Variants in TAF1 observed in about 807,000 individuals in gnomAD.
TAF1 encodes TATA-box binding protein associated factor 1.
In TAF1, 2 loss-of-function variants were observed where a neutral mutation model predicts 138.5. The ratio of observed to expected loss-of-function variants is 0.01; its 90% CI spans 0.01 to 0.05. The LOEUF (loss-of-function observed/expected upper bound fraction) is 0.05. Ranked by LOEUF, TAF1 falls within the 10% of genes least tolerant of loss-of-function variation. TAF1 has a pLI of 1.00. For missense variants in TAF1, 709 were observed against 1,478.0 expected (o/e 0.48, Z 8.53); for synonymous variants, 437 against 503.2 (o/e 0.87, Z 1.76).
At chrX:71,526,510 G>A (rs994050275) in intron 13 of TAF1, among the ~76,000 whole-genome samples, 1 of 111,648 alleles carries the variant, frequency 9.0e-6, no homozygotes, top group Non-Finnish European at 1.9e-5. Flanking sequence ...GAAAATGAAG[G>A]CAACAGAAAA....
At chrX:71,387,491 G>T in intron 15 of TAF1, 30 bp downstream of exon 15, 1 of 1,206,520 alleles carries the variant, frequency 8.3e-7, no homozygotes, top group Non-Finnish European at 1.1e-6. Flanking sequence ...GAGGGGATTG[G>T]GTTGTATACA....
At chrX:71,406,031 T>A (rs28382190) in intron 25 of TAF1, among the ~76,000 whole-genome samples, 2,843 of 110,297 alleles carry the variant, frequency 0.026, 198 homozygotes, top group Admixed American at 0.2. Context: ...TTTTAACATT[T>A]AAGATAGAAT....
intron 33 of TAF1, 70 bp downstream of exon 33, chrX:71,454,307 T>G: frequency 3.1e-6 from 3 of 965,116 alleles, no homozygotes; most frequent in Non-Finnish European, 4.4e-6. Context: ...AAAAAAGATT[T>G]AAAAATTAGT....
chrX:71,372,169 C>T (rs140467858), intron 3 of TAF1, among the ~76,000 whole-genome samples: 1,751 of 110,786 alleles, frequency 0.016, 30 homozygotes, highest in African/African-American at 0.056. Context: ...TGGTGGCTCA[C>T]GCCTGTAATC....
chrX:71,372,897 C>T (rs761657231), intron 3 of TAF1, among the ~76,000 whole-genome samples: 169 of 111,530 alleles, frequency 1.5e-3, no homozygotes, highest in African/African-American at 5.4e-3. Flanking sequence ...GACAGAGTCT[C>T]GCTCTGTCAC....
chrX:71,519,882 T>C (rs1569416610), intron 13 of TAF1, among the ~76,000 whole-genome samples: 1 of 109,901 alleles, frequency 9.1e-6, no homozygotes. Flanking sequence ...CTAGGCTCAC[T>C]ACAGCCTCTA....
chrX:71,436,501 C>T (rs1182700540), intron 32 of TAF1, among the ~76,000 whole-genome samples: 2 of 109,305 alleles, frequency 1.8e-5, no homozygotes, highest in South Asian at 8.1e-4. Context: ...TGAGCCACCG[C>T]GCCTGGCCTA....
rs758734803 is a variant in TAF1 at position 71,420,422 on chromosome X, A to T, written c.4385-887A>T. The T allele has an allele frequency of 6.6e-6, 8 of 1,209,270 alleles. No individual in the cohort carries two copies. The African/African-American group carries it at 1.2e-4, about 18-fold the overall frequency. On this transcript the variant is annotated intron_variant, in intron 28 of 37. Coordinates refer to ENST00000423759, the MANE Select transcript of TAF1 (RefSeq NM_004606.5). Reference sequence around the variant, plus strand: ...TAACACGGTTGACTGAACCACAGCCATGAAAGTGAGCTTCCAGCTCTTCTG... The same window carrying T: ...TAACACGGTTGACTGAACCACAGCCTTGAAAGTGAGCTTCCAGCTCTTCTG...
intron 32 of TAF1, among the ~76,000 whole-genome samples, chrX:71,430,457 C>T (rs113913464): frequency 2.7e-4 from 30 of 109,975 alleles, no homozygotes; most frequent in Admixed American, 3.9e-4. Flanking sequence ...GTAGACTTAG[C>T]TAACAAATTA....
intron 14 of TAF1, chrX:71,528,788 T>A (rs1247155228): frequency 1.1e-5 from 3 of 276,165 alleles, no homozygotes; most frequent in African/African-American, 8.4e-5. Context: ...CAAGATTTAT[T>A]GTGAAGAGCA....
intron 32 of TAF1, among the ~76,000 whole-genome samples, chrX:71,427,808 G>A (rs964902272): frequency 9.4e-6 from 1 of 106,262 alleles, no homozygotes; most frequent in African/African-American, 3.4e-5. Flanking sequence ...GCGTGGAGGC[G>A]GGTGCCTGTA....
chrX:71,390,724 G>A (rs965177715), intron 18 of TAF1, among the ~76,000 whole-genome samples: 3 of 111,454 alleles, frequency 2.7e-5, no homozygotes, highest in Non-Finnish European at 3.8e-5. Context: ...GGCCGGGCGC[G>A]GTGGCTCATG....
chrX:71,429,884 A>T (rs1480836938), intron 32 of TAF1, among the ~76,000 whole-genome samples: 1 of 111,283 alleles, frequency 9.0e-6, no homozygotes, highest in Admixed American at 9.6e-5. Context: ...TCAAGCACTC[A>T]TGCTCTTGGT....
intron 34 of TAF1, among the ~76,000 whole-genome samples, chrX:71,455,832 C>G (rs778777144): frequency 3.1e-4 from 35 of 112,091 alleles, no homozygotes; most frequent in Non-Finnish European, 4.5e-4. Context: ...CCAGGTTTCC[C>G]TCTGAACTGA....
At chrX:71,444,737 ATC>A (rs764793122) in intron 32 of TAF1, among the ~76,000 whole-genome samples, 2 of 109,081 alleles carry the variant, frequency 1.8e-5, no homozygotes, top group African/African-American at 6.7e-5. Context: ...CAGTGTTTGT[ATC>A]TCTCTCTCTT....
At chrX:71,384,827 TC>T in intron 13 of TAF1, 117 bp from the exon 14 acceptor site, 1 of 525,295 alleles carries the variant, frequency 1.9e-6, no homozygotes, top group African/African-American at 2.4e-5. Flanking sequence ...CCGAAACACT[TC>T]TGGTCACAAG....
intron 32 of TAF1, 107 bp downstream of exon 32, chrX:71,424,345 C>G: frequency 5.6e-6 from 3 of 537,893 alleles, no homozygotes; most frequent in South Asian, 8.1e-5. Flanking sequence ...ATCTTGCTCT[C>G]TTACCCAGGC....
chrX:71,517,917 G>A (rs1255016805), intron 13 of TAF1, among the ~76,000 whole-genome samples: 2 of 108,052 alleles, frequency 1.9e-5, no homozygotes, highest in Non-Finnish European at 3.8e-5. Flanking sequence ...CCTTCCTGAC[G>A]CTCCCAAGTA....
rs1169908281 is a variant in TAF1 at position 71,460,665 on chromosome X, G to T, written c.5261G>T (p.Gly1754Val). ...GAAAGTGGAAGTGACTCTGATGTGG[G>T]ATCTGGTGGAATAAGACCCAAACAA... is the stretch of plus-strand genomic sequence containing the variant. ...LSESGSDSDV[G>V]SGGIRPKQPR... The change falls in exon 37 of 38, where the codon GGA (glycine) becomes GTA (valine). Residue 1754 changes from glycine (G) to valine (V), a missense_variant. Transcript: ENST00000423759. The T allele has an allele frequency of 1.2e-5, 14 of 1,209,797 alleles. No homozygotes were observed. The highest frequency in any genetic ancestry group is 1.5e-5 in the Non-Finnish European group (13 of 895,107).
Sources: gnomAD v4.1 joint callset for allele counts (sites outside exome capture counted in the v4.1 genomes callset) on GRCh38, gnomAD v4.1.1 for gene constraint, MANE v1.5 for transcripts, NCBI Gene and HGNC (gene_info 2026-07-23, HGNC 2026-07-21) for gene names.